The following MYADM variants were observed in gnomAD, a reference collection of about 807,000 sequenced individuals.
MYADM encodes the protein myeloid-associated differentiation marker.
For synonymous variants in MYADM, 224 were observed against 210.2 expected, an observed-to-expected ratio of 1.07 and a Z score of -0.57; for missense variants, 416 against 443.4, an observed-to-expected ratio of 0.94 and a Z score of 0.56.
intron 2 of MYADM, among the ~76,000 whole-genome samples, chr19:53,872,950 A>G (rs2068423049): frequency 6.6e-6 from 1 of 152,322 alleles, no homozygotes; most frequent in South Asian, 2.1e-4. Context: ...GTCTTGAAAG[A>G]GAGAAGAATC....
At chr19:53,869,241 G>A (rs1409883400) in intron 1 of MYADM, 2 of 152,272 alleles carry the variant, frequency 1.3e-5, no homozygotes, top group African/African-American at 4.8e-5. Context: ...AGATGCTCTT[G>A]GGGGGGCTCT....
At chr19:53,869,269 G>A (rs2122899889) in intron 1 of MYADM, 1 of 152,412 alleles carries the variant, frequency 6.6e-6, no homozygotes, top group Admixed American at 6.5e-5. Context: ...TGTTTATAGG[G>A]ATCCAGAAAT....
intron 2 of MYADM, among the ~76,000 whole-genome samples, chr19:53,871,468 T>C (rs1383034507): frequency 6.6e-6 from 1 of 152,028 alleles, no homozygotes; most frequent in Non-Finnish European, 1.5e-5. Flanking sequence ...AAATCTCAGG[T>C]GGGAGTTAGA....
upstream of MYADM, among the ~76,000 whole-genome samples, chr19:53,866,744 C>T (rs996000918): frequency 6.6e-6 from 1 of 151,998 alleles, no homozygotes; most frequent in African/African-American, 2.4e-5. This position sits in a 1 kb window ranked among gnomAD's most constrained non-coding sequence, Gnocchi z 4.3. Context: ...AAAAATATCG[C>T]TGCCTTCCAG....
chr19:53,871,526 G>A (rs2068388016), intron 2 of MYADM, among the ~76,000 whole-genome samples: 1 of 152,194 alleles, frequency 6.6e-6, no homozygotes, highest in African/African-American at 2.4e-5. Flanking sequence ...AGGGAGAGGA[G>A]GAGGCCGCTA....
chr19:53,870,173 C>T (rs564776982), intron 2 of MYADM, among the ~76,000 whole-genome samples: 29 of 61,720 alleles, frequency 4.7e-4, no homozygotes, highest in South Asian at 7.0e-4. Context: ...CTCCTGGGTC[C>T]GAGGGAGGAG....
rs200527300 is a variant in MYADM, at chr19:53,874,179, C to G, written c.650C>G (p.Ala217Gly). 6.2e-7 allele frequency: 1 copy of G among 1,613,828 alleles called. No individual in the cohort carries two copies. Among genetic ancestry groups the G allele is most frequent in the Admixed American group, 1.7e-5 (1 of 60,004 alleles). Reference protein sequence around the residue: ...VAVYAICFILAAIAILLNLGE... With the variant: ...VAVYAICFILGAIAILLNLGE... ...GTGTACGCCATCTGCTTCATCCTAG[C>G]GGCCATCGCCATCCTGCTGAACCTG... is the stretch of plus-strand genomic sequence containing the variant. Residue 217 changes from alanine to glycine, a missense_variant, in exon 3 of 3, where the codon GCG becomes GGG. Coordinates refer to ENST00000391770, the MANE Select transcript of MYADM (RefSeq NM_138373.5).
In MYADM at chr19:53,868,097, C is replaced by T. The variant is rs915627078; in HGVS notation, c.-88+154C>T. 3.9e-5 allele frequency among the ~76,000 whole-genome samples: 6 copies of T among 151,936 alleles called. No individual in the cohort carries two copies. Among genetic ancestry groups the T allele is most frequent in the Non-Finnish European group, 8.8e-5 (6 of 67,962 alleles). Reference sequence around the variant, plus strand: ...GTTCTGCAGAGGAGAGGGCTGAGGACCTGGACTGTGGAGGTCATACGTCTG... The same window carrying T: ...GTTCTGCAGAGGAGAGGGCTGAGGATCTGGACTGTGGAGGTCATACGTCTG... On this transcript the variant is annotated intron_variant, in intron 1 of 2. Coordinates refer to ENST00000391770, the MANE Select transcript of MYADM (RefSeq NM_138373.5). The surrounding 1 kb of genome is among the most constrained non-coding windows in gnomAD (Gnocchi z 6.3).
chr19:53,869,325 C>T (rs2122900327), intron 1 of MYADM: 1 of 152,634 alleles, frequency 6.6e-6, no homozygotes, highest in East Asian at 1.9e-4. Flanking sequence ...CCCCGGAAAT[C>T]CGGGAGAGGG....
chr19:53,873,639 G>A lies in MYADM; in HGVS notation c.110G>A (p.Gly37Asp), dbSNP rs1238836121. ...CCTCGGGCCCTGACACAGCCCCTGG[G>A]TCTCCTTCGCCTGCTGCAGCTGGTG... ...GSPRALTQPL[G>D]LLRLLQLVST... is the part of the protein sequence containing the mutation. Residue 37 changes from glycine (G) to aspartate (D), a missense_variant, in exon 3 of 3, where the codon GGT (glycine) becomes GAT (aspartate). By Grantham distance (94) the Gly-to-Asp change is moderately conservative. Transcript: ENST00000391770. The surrounding 1 kb of genome is among the most constrained non-coding windows in gnomAD (Gnocchi z 4.3). 1 of 1,614,056 alleles carries A rather than the reference G, an allele frequency of 6.2e-7. No homozygotes were observed. Among genetic ancestry groups the A allele is most frequent in the South Asian group, 1.1e-5 (1 of 91,088 alleles).
Position 53,874,647 on chromosome 19 carries a change from C to G in MYADM, c.*149C>G, listed in dbSNP as rs576679117. The G allele has an allele frequency of 2.4e-6, 2 of 841,720 alleles. No homozygotes were observed. The highest frequency in any genetic ancestry group is 5.7e-5 in the East Asian group (2 of 35,102). The allele number at this position is 841,720 out of a possible 1,614,324, so 52.1% of individuals were successfully genotyped here. A position where few individuals can be genotyped will look rare whatever the true frequency, so the allele number is the denominator to read the frequency against. ...CCACCTTTTTCTTTCCTTCCCAATT[C>G]CTTGCACTCTAACCAGTTCTTGGAT... On this transcript the variant is annotated 3_prime_UTR_variant, in exon 3 of 3. Transcript: ENST00000391770.
Position 53,867,941 on chromosome 19 carries a change from G to C in MYADM, c.-90G>C. The C allele has an allele frequency of 6.6e-6, 1 of 152,444 alleles. No individual in the cohort carries two copies. The allele number at this position is 152,444 out of a possible 1,614,324, so 9.4% of individuals were successfully genotyped here. On this transcript the variant is annotated splice_region_variant and 5_prime_UTR_variant, in exon 1 of 3. Transcript: ENST00000391770. ...CAGCCGCAGTCGCCACTGGCTGCCT[G>C]AGGTGAGGTTGTGGGGACCCCAGAG... is the stretch of plus-strand genomic sequence containing the variant.
rs370289466 is a variant in MYADM at position 53,874,446 on chromosome 19, C to T, written c.917C>T (p.Ala306Val). The T allele has an allele frequency of 3.2e-5, 51 of 1,613,518 alleles. No homozygotes were observed. The highest frequency in any genetic ancestry group is 4.2e-5 in the Non-Finnish European group (50 of 1,179,674). The change falls in exon 3 of 3, where the codon GCG becomes GTG. Residue 306 changes from alanine (A) to valine (V), a missense_variant. Coordinates refer to ENST00000391770, the MANE Select transcript of MYADM (RefSeq NM_138373.5). ...VAILTAINLL[A>V]YVADLVHSAH... ...ATCCTGACGGCCATCAACCTACTGGCGTATGTGGCTGACCTGGTGCACTCT... is the reference window on the plus strand; with the variant it reads ...ATCCTGACGGCCATCAACCTACTGGTGTATGTGGCTGACCTGGTGCACTCT...
rs1472540131 is a variant in MYADM at position 53,868,342 on chromosome 19, G to A, written c.-88+399G>A. Among the ~76,000 whole-genome samples, 1 of 151,988 alleles carries A rather than the reference G, an allele frequency of 6.6e-6. No homozygotes were observed. Among genetic ancestry groups the A allele is most frequent in the Non-Finnish European group, 1.5e-5 (1 of 67,990 alleles). Reference sequence around the variant, plus strand: ...GCTGGGTCTGCGGGAGTAGAGAGATGGGGACTCGTAGGTGCCCTAGTTGGA... The same window carrying A: ...GCTGGGTCTGCGGGAGTAGAGAGATAGGGACTCGTAGGTGCCCTAGTTGGA... On this transcript the variant is annotated intron_variant, in intron 1 of 2. Transcript: ENST00000391770. The surrounding 1 kb of genome is among the most constrained non-coding windows in gnomAD (Gnocchi z 6.3).
Position 53,873,629 on chromosome 19 carries a change from C to CA in MYADM, c.101dup (p.Pro35AlafsTer22), listed in dbSNP as rs1568735279. The CA allele has an allele frequency of 6.2e-7, 1 of 1,614,190 alleles. No homozygotes were observed. The highest frequency in any genetic ancestry group is 8.5e-7 in the Non-Finnish European group (1 of 1,180,036). On this transcript the variant is annotated frameshift_variant, in exon 3 of 3. Coordinates refer to ENST00000391770, the MANE Select transcript of MYADM (RefSeq NM_138373.5). LOFTEE classifies it low-confidence loss of function (END_TRUNC). The surrounding 1 kb of genome is among the most constrained non-coding windows in gnomAD (Gnocchi z 4.3). ...CGTGGGGTCCCCTCGGGCCCTGACA[C>CA]AGCCCCTGGGTCTCCTTCGCCTGCT...
rs1463422812 is a variant in MYADM at position 53,874,658 on chromosome 19, A to G, written c.*160A>G. On this transcript the variant is annotated 3_prime_UTR_variant, in exon 3 of 3. Transcript: ENST00000391770. ...TTTCCTTCCCAATTCCTTGCACTCT[A>G]ACCAGTTCTTGGATGCATCTTCTTC... 2 of 753,484 alleles carry G rather than the reference A, an allele frequency of 2.7e-6. No homozygotes were observed. The highest frequency in any genetic ancestry group is 3.7e-5 in the African/African-American group (2 of 54,696). The allele number at this position is 753,484 out of a possible 1,614,324, so 46.7% of individuals were successfully genotyped here. A position where few individuals can be genotyped will look rare whatever the true frequency, so the allele number is the denominator to read the frequency against.
At chr19:53,872,260 A>G (rs1325833991) in intron 2 of MYADM, among the ~76,000 whole-genome samples, 1 of 151,386 alleles carries the variant, frequency 6.6e-6, no homozygotes, top group African/African-American at 2.4e-5. Flanking sequence ...CAGGGGTTCT[A>G]TCTTGGCTCA....
At chr19:53,869,210 C>G (rs2068307040) in intron 1 of MYADM, 1 of 152,410 alleles carries the variant, frequency 6.6e-6, no homozygotes, top group Admixed American at 6.5e-5. Context: ...AGGCCCGGGT[C>G]CCTGCCCACT....
chr19:53,871,037 C>G lies in MYADM; in HGVS notation c.-3+1199C>G, dbSNP rs187681075. ...CTTGAGGTCAGGAGTTTGAGACCAG[C>G]CTGGCCAACATGGCGAAACCCCATC... On this transcript the variant is annotated intron_variant, in intron 2 of 2. Coordinates refer to ENST00000391770, the MANE Select transcript of MYADM (RefSeq NM_138373.5). Among the ~76,000 whole-genome samples the G allele has an allele frequency of 4.0e-3, 606 of 152,234 alleles. 7 individuals are homozygous for G. The highest frequency in any genetic ancestry group is 0.014 in the African/African-American group (571 of 41,532).
Sources: gnomAD v4.1 joint callset for allele counts (sites outside exome capture counted in the v4.1 genomes callset) on GRCh38, gnomAD v4.1.1 for gene constraint, Gnocchi (gnomAD v3.1) non-coding constraint, MANE v1.5 for transcripts, NCBI Gene and HGNC (gene_info 2026-07-23, HGNC 2026-07-21) for gene names.